The following LYPD6 variants were observed in gnomAD, a reference collection of about 807,000 sequenced individuals.
LYPD6 encodes LY6/PLAUR domain containing 6.
Under a neutral mutation model 22.7 loss-of-function variants are expected in LYPD6, and 15 were observed. The observed-to-expected ratio is 0.66, with a 90% CI of 0.44 to 1.02. The LOEUF (loss-of-function observed/expected upper bound fraction) is 1.02, where lower values mean the gene tolerates loss of function less well. Ranked by LOEUF, LYPD6 falls within the 50% of genes least tolerant of loss-of-function variation. The pLI, the probability that LYPD6 is intolerant of heterozygous loss-of-function variation, is 0.00. For missense variants in LYPD6, 189 were observed against 208.4 expected, an observed-to-expected ratio of 0.91 and a Z score of 0.57; for synonymous variants, 72 against 77.5, an observed-to-expected ratio of 0.93 and a Z score of 0.37.
the LYPD6 span, among the ~76,000 whole-genome samples, chr2:149,482,564 C>A: frequency 3.3e-5 from 5 of 152,230 alleles, 1 homozygote; most frequent in South Asian, 8.3e-4. Flanking sequence ...TTCTTCAGAC[C>A]CCTTCCATTC....
chr2:149,485,597 T>C, the LYPD6 span, among the ~76,000 whole-genome samples: 3 of 152,314 alleles, frequency 2.0e-5, no homozygotes, highest in African/African-American at 7.2e-5. Context: ...CTCCAGGTCA[T>C]GAAACCTGCT....
chr2:149,385,769 A>G (rs554680999), intron 1 of LYPD6, among the ~76,000 whole-genome samples: 1 of 152,318 alleles, frequency 6.6e-6, no homozygotes, highest in South Asian at 2.1e-4. Context: ...CAAAATGCAC[A>G]TTTGTCTTTG....
chr2:149,369,479 C>G lies in LYPD6; in HGVS notation c.-72+38757C>G, dbSNP rs1334584644. On this transcript the variant is annotated intron_variant, in intron 1 of 4. Coordinates refer to ENST00000334166, the MANE Select transcript of LYPD6 (RefSeq NM_194317.5). Reference sequence around the variant, plus strand: ...CATCCAATTGACTGCCTTTCGACCTCAACTCCAGTTTTCTGGGAGACTTAG... The same window carrying G: ...CATCCAATTGACTGCCTTTCGACCTGAACTCCAGTTTTCTGGGAGACTTAG... Among the ~76,000 whole-genome samples, 4 of 152,158 alleles carry G rather than the reference C, an allele frequency of 2.6e-5. No homozygotes were observed. In the East Asian group the frequency reaches 7.7e-4, roughly 29 times the overall value.
intron 1 of LYPD6, among the ~76,000 whole-genome samples, chr2:149,416,789 G>A (rs1162070093): frequency 6.6e-6 from 1 of 152,170 alleles, no homozygotes; most frequent in Non-Finnish European, 1.5e-5. Flanking sequence ...GCATCCTGAA[G>A]GACAGCACCA....
intron 3 of LYPD6, among the ~76,000 whole-genome samples, chr2:149,460,602 T>C (rs777436907): frequency 6.6e-6 from 1 of 152,106 alleles, no homozygotes; most frequent in Non-Finnish European, 1.5e-5. Flanking sequence ...AGCAAAGATA[T>C]AGAAGAATTC....
At chr2:149,433,972 A>T (rs180973815) in intron 1 of LYPD6, among the ~76,000 whole-genome samples, 1 of 151,994 alleles carries the variant, frequency 6.6e-6, no homozygotes, top group African/African-American at 2.4e-5. Context: ...ATTTCTTTTT[A>T]TTATTATTAT....
intron 1 of LYPD6, among the ~76,000 whole-genome samples, chr2:149,388,176 C>CTTTTTTTTTTTTT (rs1559134037): frequency 1.0e-5 from 1 of 96,548 alleles, no homozygotes; most frequent in Non-Finnish European, 2.4e-5. Flanking sequence ...TTCTCTCTCT[C>CTTTTTTTTTTTTT]TCTCTTTTTT....
At chr2:149,482,113 A>ATTAT in the LYPD6 span, among the ~76,000 whole-genome samples, 3 of 152,224 alleles carry the variant, frequency 2.0e-5, no homozygotes, top group African/African-American at 7.2e-5. Flanking sequence ...ACTTTAAAAA[A>ATTAT]TTATTTCTTT....
At chr2:149,442,150 T>C (rs537799910) in intron 2 of LYPD6, among the ~76,000 whole-genome samples, 1 of 152,344 alleles carries the variant, frequency 6.6e-6, no homozygotes, top group African/African-American at 2.4e-5. Flanking sequence ...CTAGAATTTT[T>C]ATATATGCAT....
Position 149,413,842 on chromosome 2 carries a change from G to A in LYPD6, c.-71-23796G>A, listed in dbSNP as rs570595636. Among the ~76,000 whole-genome samples, 4 of 152,282 alleles carry A rather than the reference G, an allele frequency of 2.6e-5. No homozygotes were observed. In the South Asian group the frequency reaches 8.3e-4, roughly 32 times the overall value. ...GGAAGAAGAAGGGAAGAGGTATAGA[G>A]AACAATTACCAAGTCTACTCTAATT... On this transcript the variant is annotated intron_variant, in intron 1 of 4. Transcript: ENST00000334166.
intron 1 of LYPD6, among the ~76,000 whole-genome samples, chr2:149,343,855 C>A (rs1385311178): frequency 2.0e-5 from 3 of 151,728 alleles, no homozygotes; most frequent in Non-Finnish European, 2.9e-5. Flanking sequence ...AAAGGAGGAC[C>A]TGTAAGGAAA....
intron 1 of LYPD6, among the ~76,000 whole-genome samples, chr2:149,416,832 C>T (rs1052311596): frequency 6.6e-6 from 1 of 152,230 alleles, no homozygotes. Flanking sequence ...CTAGCTGGTG[C>T]TTCACCTGCA....
Position 149,388,956 on chromosome 2 carries a change from A to G in LYPD6, c.-71-48682A>G, listed in dbSNP as rs574657454. Among the ~76,000 whole-genome samples, 9 of 152,266 alleles carry G rather than the reference A, an allele frequency of 5.9e-5. No homozygotes were observed. In the South Asian group the frequency reaches 1.2e-3, roughly 21 times the overall value. On this transcript the variant is annotated intron_variant, in intron 1 of 4. Coordinates refer to ENST00000334166, the MANE Select transcript of LYPD6 (RefSeq NM_194317.5). ...CCTGGATGGACTGAGAAAATTCTGG[A>G]AAGTAGTTGCCCAACAAAATAGGTT...
At chr2:149,469,683 C>T (rs1681286738) in intron 4 of LYPD6, among the ~76,000 whole-genome samples, 1 of 152,100 alleles carries the variant, frequency 6.6e-6, no homozygotes, top group African/African-American at 2.4e-5. Flanking sequence ...AAAGGCTTTC[C>T]CTGACCTCTC....
At chr2:149,360,880 C>A (rs1374039695) in intron 1 of LYPD6, among the ~76,000 whole-genome samples, 2 of 152,070 alleles carry the variant, frequency 1.3e-5, no homozygotes, top group African/African-American at 4.8e-5. Flanking sequence ...CACACCAGCC[C>A]ATTCAATGTT....
At chr2:149,404,899 A>G (rs9750880) in intron 1 of LYPD6, among the ~76,000 whole-genome samples, 30,193 of 152,034 alleles carry the variant, frequency 0.2, 3,018 homozygotes, top group Middle Eastern at 0.22. Flanking sequence ...TTATTTTGAG[A>G]TACATCCCAT....
intron 1 of LYPD6, among the ~76,000 whole-genome samples, chr2:149,397,278 T>G (rs999460697): frequency 6.6e-6 from 1 of 152,136 alleles, no homozygotes; most frequent in Non-Finnish European, 1.5e-5. Flanking sequence ...GTGGCTGGAG[T>G]CATCTGAAGG....
chr2:149,436,143 T>C (rs960314837), intron 1 of LYPD6, among the ~76,000 whole-genome samples: 5 of 152,236 alleles, frequency 3.3e-5, no homozygotes, highest in African/African-American at 1.2e-4. Context: ...ATTCTAGATC[T>C]GATTGGGTCG....
At chr2:149,330,356 T>C (rs1056768853), upstream of LYPD6, 1 of 151,094 alleles carries the variant, frequency 6.6e-6, no homozygotes, top group Non-Finnish European at 1.5e-5. Context: ...CGGCTCCCGC[T>C]GGCCGGAGTT....
Sources: allele counts gnomAD v4.1 joint callset (sites outside exome capture counted in the v4.1 genomes callset), GRCh38; gene constraint gnomAD v4.1.1; transcripts MANE v1.5; gene names NCBI Gene and HGNC (gene_info 2026-07-23, HGNC 2026-07-21).